Variants in SLCO1A2 observed in about 807,000 individuals in gnomAD.
SLCO1A2 encodes OATP-1.
Under a neutral mutation model 69.0 loss-of-function variants are expected in SLCO1A2, and 67 were observed. The ratio of observed to expected loss-of-function variants is 0.97; its 90% confidence interval spans 0.80 to 1.19. SLCO1A2 has a LOEUF of 1.19. Ranked by LOEUF, SLCO1A2 falls within the 50% of genes most tolerant of loss-of-function variation. SLCO1A2 has a pLI of 0.00. For missense variants in SLCO1A2, 787 were observed against 793.7 expected, an observed-to-expected ratio of 0.99 and a Z score of 0.10; for synonymous variants, 260 against 265.9, an observed-to-expected ratio of 0.98 and a Z score of 0.22.
chr12:21,361,162 G>A (rs1041097793), intron 2 of SLCO1A2, among the ~76,000 whole-genome samples: 4 of 70,192 alleles, frequency 5.7e-5, no homozygotes, highest in South Asian at 4.8e-4. Flanking sequence ...CACCTCATAC[G>A]GGGGATGCCC....
chr12:21,408,435 T>C (rs893365915), intron 1 of SLCO1A2, among the ~76,000 whole-genome samples: 1 of 152,108 alleles, frequency 6.6e-6, no homozygotes, highest in Non-Finnish European at 1.5e-5. Context: ...ACCCTCACTC[T>C]ACTCCCAATA....
At chr12:21,340,488 T>C (rs117194373) in intron 2 of SLCO1A2, among the ~76,000 whole-genome samples, 5,827 of 152,134 alleles carry the variant, frequency 0.038, 167 homozygotes, top group Middle Eastern at 0.1. Flanking sequence ...AGGAAAAGAT[T>C]AATATTGTTT....
chr12:21,381,408 G>T (rs140456220), intron 1 of SLCO1A2, among the ~76,000 whole-genome samples: 2 of 151,980 alleles, frequency 1.3e-5, no homozygotes, highest in African/African-American at 4.8e-5. Context: ...CAACAAACAT[G>T]AAAAAAATGC....
intron 2 of SLCO1A2, among the ~76,000 whole-genome samples, chr12:21,347,698 A>AAGGAAGGAAGGAAGGC (rs1211372509): frequency 7.0e-6 from 1 of 142,950 alleles, no homozygotes; most frequent in Non-Finnish European, 1.5e-5. Flanking sequence ...GGAAGGAAGG[A>AAGGAAGGAAGGAAGGC]AGAAGGAAAA....
chr12:21,355,420 T>C (rs555107022), intron 2 of SLCO1A2, among the ~76,000 whole-genome samples: 2 of 152,228 alleles, frequency 1.3e-5, no homozygotes, highest in East Asian at 3.9e-4. Context: ...GGGTAGGCAA[T>C]GAGCTAAAAT....
intron 12 of SLCO1A2, among the ~76,000 whole-genome samples, chr12:21,288,820 T>G (rs529893087): frequency 9.2e-5 from 14 of 151,726 alleles, no homozygotes; most frequent in African/African-American, 3.4e-4. Flanking sequence ...AATTTAAAAT[T>G]AAAAAAACTA....
At chr12:21,410,433 T>C (rs1438962807) in intron 1 of SLCO1A2, among the ~76,000 whole-genome samples, 1 of 152,198 alleles carries the variant, frequency 6.6e-6, no homozygotes, top group Non-Finnish European at 1.5e-5. Flanking sequence ...TAACTATCCA[T>C]TCATCCACAT....
At chr12:21,333,294 G>A (rs1049491432) in intron 2 of SLCO1A2, among the ~76,000 whole-genome samples, 5 of 151,976 alleles carry the variant, frequency 3.3e-5, no homozygotes, top group Admixed American at 6.6e-5. Context: ...GGTTTTATTC[G>A]CAGAGTGAAA....
intron 2 of SLCO1A2, among the ~76,000 whole-genome samples, chr12:21,367,252 T>G (rs12817281): frequency 0.052 from 7,853 of 152,282 alleles, 284 homozygotes; most frequent in Non-Finnish European, 0.079. Context: ...GGTCTCAGTC[T>G]TTCATGTGTC....
intron 2 of SLCO1A2, among the ~76,000 whole-genome samples, chr12:21,358,243 T>A (rs1300073617): frequency 1.3e-5 from 2 of 152,212 alleles, no homozygotes; most frequent in Admixed American, 6.5e-5. Context: ...GATGAAAGTA[T>A]GCTGGAAAAA....
intron 12 of SLCO1A2, 124 bp from the exon 13 acceptor site, chr12:21,275,548 C>T: frequency 3.0e-6 from 3 of 1,011,130 alleles, no homozygotes; most frequent in Non-Finnish European, 4.0e-6. Context: ...CTTTCATGCT[C>T]ACTTATTGGT....
At chr12:21,409,487 A>G (rs1051315880) in intron 1 of SLCO1A2, among the ~76,000 whole-genome samples, 7 of 152,168 alleles carry the variant, frequency 4.6e-5, no homozygotes, top group Non-Finnish European at 1.0e-4. Flanking sequence ...TGAAACAGTG[A>G]TATTACATCT....
chr12:21,367,693 T>C (rs1939494090), intron 2 of SLCO1A2, among the ~76,000 whole-genome samples: 1 of 152,084 alleles, frequency 6.6e-6, no homozygotes, highest in South Asian at 2.1e-4. Flanking sequence ...TTTAGGTTGT[T>C]ATAAAATCAC....
intron 1 of SLCO1A2, among the ~76,000 whole-genome samples, chr12:21,390,248 C>T (rs1282101699): frequency 2.0e-5 from 3 of 151,818 alleles, no homozygotes; most frequent in Non-Finnish European, 4.4e-5. Flanking sequence ...GGCATCTGAC[C>T]ATATGGCCAA....
Position 21,304,462 on chromosome 12 carries a change from T to A in SLCO1A2, c.554A>T (p.Asp185Val). ...ILPLGISYIE[D>V]FAKFENSPLY... ...AGGAGAATTTTCAAATTTGGCAAAA[T>A]CTTCTATATAGGAAATACCCAAAGG... Residue 185 changes from aspartate to valine, a missense_variant, in exon 6 of 15, where the codon GAT (aspartate) becomes GTT (valine). By Grantham distance (152) the Asp-to-Val change is radical (BLOSUM62 -3). Coordinates refer to ENST00000683939, the MANE Select transcript of SLCO1A2 (RefSeq NM_001386879.1). 2 of 1,612,784 alleles carry A rather than the reference T, an allele frequency of 1.2e-6. No individual in the cohort carries two copies. The highest frequency in any genetic ancestry group is 1.7e-6 in the Non-Finnish European group (2 of 1,178,976).
chr12:21,392,669 T>A (rs960052158), intron 1 of SLCO1A2, among the ~76,000 whole-genome samples: 1 of 152,226 alleles, frequency 6.6e-6, no homozygotes, highest in African/African-American at 2.4e-5. Context: ...TTACACATGC[T>A]GGCAATGAGA....
rs376621546 is a variant in SLCO1A2, at chr12:21,331,465, G to C, written c.60+3123C>G. ...TAATTTGGAATTCTCATTTGAATTT[G>C]GCCAAGTTGGGTACAGTTGGTCAAA... On this transcript the variant is annotated intron_variant, in intron 2 of 14. Transcript: ENST00000683939. Among the ~76,000 whole-genome samples, 269 of 152,156 alleles carry C rather than the reference G, an allele frequency of 1.8e-3. 10 individuals are homozygous for C. The South Asian group carries it at 0.055, about 31-fold the overall frequency.
chr12:21,310,090 T>TA (rs1478497995), intron 4 of SLCO1A2, among the ~76,000 whole-genome samples: 2 of 152,176 alleles, frequency 1.3e-5, no homozygotes, highest in African/African-American at 2.4e-5. Context: ...GGTTCAGTGG[T>TA]AAAAAAGATT....
intron 1 of SLCO1A2, among the ~76,000 whole-genome samples, chr12:21,386,557 CT>C (rs1297167900): frequency 6.6e-6 from 1 of 152,066 alleles, no homozygotes; most frequent in African/African-American, 2.4e-5. Context: ...TCTCTCTTGC[CT>C]TTTGCCATGT....
Sources: gnomAD v4.1 joint callset for allele counts (sites outside exome capture counted in the v4.1 genomes callset) on GRCh38, gnomAD v4.1.1 for gene constraint, MANE v1.5 for transcripts, NCBI Gene and HGNC (gene_info 2026-07-23, HGNC 2026-07-21) for gene names.